Variants in THRB observed in about 807,000 individuals in gnomAD.
THRB encodes nuclear receptor subfamily 1 group A member 2.
In THRB, 12 loss-of-function variants were observed where a neutral mutation model predicts 47.8. The ratio of observed to expected loss-of-function variants is 0.25; its 90% CI spans 0.16 to 0.41. THRB has a LOEUF of 0.41. Among genes scored for constraint, THRB ranks in the 10% least tolerant of loss-of-function variants. The pLI is 1.00. For synonymous variants in THRB, 218 were observed against 212.2 expected (o/e 1.03, Z -0.24); for missense variants, 348 against 589.2 (o/e 0.59, Z 4.24).
chr3:24,390,795 A>AT (rs60435781), intron 1 of THRB, among the ~76,000 whole-genome samples: 1,879 of 59,084 alleles, frequency 0.032, 16 homozygotes, highest in South Asian at 0.047. Context: ...AAAAAAAAAA[A>AT]AAATATATAT....
At position 24,451,514 on chromosome 3, in the gene THRB, C is replaced by A. The variant is rs530164208; in HGVS notation, c.-261+43138G>T. 3.0e-4 allele frequency among the ~76,000 whole-genome samples: 45 copies of A among 152,262 alleles called. 1 individual carries two copies. The highest frequency in any genetic ancestry group is 1.2e-3 in the Admixed American group (18 of 15,302). On this transcript the variant is annotated intron_variant, in intron 1 of 10. Transcript: ENST00000646209. ...CCTCCCAAAGTTCTGGGATTACAGG[C>A]GTGAGCCACCACGCCCGGCCTACAT...
intron 1 of THRB, among the ~76,000 whole-genome samples, chr3:24,431,266 A>T (rs1389801950): frequency 6.9e-3 from 174 of 25,320 alleles, no homozygotes; most frequent in Non-Finnish European, 0.023. Flanking sequence ...CTCTCTACAC[A>T]CACACACACA....
At chr3:24,349,047 A>G (rs1402412135) in intron 1 of THRB, 1 of 152,176 alleles carries the variant, frequency 6.6e-6, no homozygotes, top group African/African-American at 2.4e-5. Context: ...TATAAAAGTC[A>G]ATTGGAATTC....
chr3:24,261,522 A>AAAAAAAAC (rs2052025733), intron 3 of THRB, among the ~76,000 whole-genome samples: 1 of 149,526 alleles, frequency 6.7e-6, no homozygotes, highest in African/African-American at 2.5e-5. Context: ...AAAAAAACCA[A>AAAAAAAAC]AAAAAACTCT....
intron 4 of THRB, among the ~76,000 whole-genome samples, chr3:24,194,904 G>T (rs2043785170): frequency 6.6e-6 from 1 of 152,140 alleles, no homozygotes; most frequent in African/African-American, 2.4e-5. Flanking sequence ...GCGTAGGCTG[G>T]GATTTCATGG....
chr3:24,343,578 T>C (rs1421728304), intron 1 of THRB, among the ~76,000 whole-genome samples: 1 of 152,148 alleles, frequency 6.6e-6, no homozygotes, highest in African/African-American at 2.4e-5. Context: ...CATAACAATT[T>C]ACTAAACTAG....
chr3:24,438,506 GGTGTGT>G (rs145050133), intron 1 of THRB, among the ~76,000 whole-genome samples: 218 of 145,966 alleles, frequency 1.5e-3, no homozygotes, highest in African/African-American at 4.4e-3. Flanking sequence ...AGAACAAAAA[GGTGTGT>G]GTGTGTGTGT....
intron 4 of THRB, among the ~76,000 whole-genome samples, chr3:24,225,951 A>C (rs2047612159): frequency 6.6e-6 from 1 of 152,222 alleles, no homozygotes; most frequent in South Asian, 2.1e-4. Context: ...AATTTTGGCA[A>C]GACCTGACTC....
chr3:24,426,608 G>A lies in THRB; in HGVS notation c.-261+68044C>T, dbSNP rs151131001. ...AGATGCTCTAAGACAGGTTTATGTC[G>A]TTTCCTCTCACAAAGCAGAACACTG... On this transcript the variant is annotated intron_variant, in intron 1 of 10. Coordinates refer to ENST00000646209, the MANE Select transcript of THRB (RefSeq NM_001354712.2). Among the ~76,000 whole-genome samples the A allele has an allele frequency of 6.6e-3, 999 of 151,970 alleles. 9 individuals are homozygous for A. Among genetic ancestry groups the A allele is most frequent in the African/African-American group, 0.022 (932 of 41,490 alleles).
At chr3:24,490,853 T>A (rs1698039397) in intron 1 of THRB, among the ~76,000 whole-genome samples, 1 of 152,182 alleles carries the variant, frequency 6.6e-6, no homozygotes, top group East Asian at 1.9e-4. Flanking sequence ...TAGGCCATAG[T>A]AGCTCAGGCC....
intron 5 of THRB, among the ~76,000 whole-genome samples, chr3:24,172,021 C>T (rs994371307): frequency 2.0e-5 from 3 of 152,168 alleles, no homozygotes; most frequent in Admixed American, 6.5e-5. Flanking sequence ...GGAAATGACA[C>T]ATTAATGCTC....
At chr3:24,373,952 CT>C (rs34750462) in intron 1 of THRB, among the ~76,000 whole-genome samples, 5 of 150,882 alleles carry the variant, frequency 3.3e-5, no homozygotes, top group South Asian at 2.1e-4. Context: ...CATCATTTCC[CT>C]TTTTTTTTGG....
chr3:24,426,841 T>C (rs2069817879), intron 1 of THRB, among the ~76,000 whole-genome samples: 1 of 152,042 alleles, frequency 6.6e-6, no homozygotes, highest in African/African-American at 2.4e-5. Context: ...ATTTACACTG[T>C]ATAAAAGAAA....
chr3:24,185,003 C>T (rs1298006570), intron 5 of THRB, among the ~76,000 whole-genome samples: 1 of 152,156 alleles, frequency 6.6e-6, no homozygotes, highest in African/African-American at 2.4e-5. Flanking sequence ...TTTTAAGACA[C>T]TTTGTTATTT....
At chr3:24,264,069 C>T (rs1245190208) in intron 3 of THRB, among the ~76,000 whole-genome samples, 2 of 152,134 alleles carry the variant, frequency 1.3e-5, no homozygotes, top group East Asian at 1.9e-4. Context: ...GGCACCAAAC[C>T]CTGCAATGCT....
At chr3:24,447,692 T>C (rs886981901) in intron 1 of THRB, among the ~76,000 whole-genome samples, 9 of 151,646 alleles carry the variant, frequency 5.9e-5, no homozygotes, top group African/African-American at 2.2e-4. Context: ...GGGGAAGGGG[T>C]GAGTAGACAT....
At chr3:24,441,942 G>A (rs1450981493) in intron 1 of THRB, among the ~76,000 whole-genome samples, 1 of 152,080 alleles carries the variant, frequency 6.6e-6, no homozygotes, top group East Asian at 1.9e-4. Context: ...CTGCAGATAC[G>A]TGAGGATCCA....
At chr3:24,388,873 T>C (rs113792602) in intron 1 of THRB, among the ~76,000 whole-genome samples, 15 of 152,276 alleles carry the variant, frequency 9.9e-5, no homozygotes, top group Admixed American at 7.2e-4. Flanking sequence ...GTACTCTCTG[T>C]GGGCTGGTTC....
Position 24,254,465 on chromosome 3 carries a change from G to A in THRB, c.-42-25464C>T, listed in dbSNP as rs79437843. ...TGTGTTTAATAATACATATACTATT[G>A]GCCTTAAAGGTAGTCCCAAAAGAGT... is the stretch of plus-strand genomic sequence containing the variant. On this transcript the variant is annotated intron_variant, in intron 3 of 10. Coordinates refer to ENST00000646209, the MANE Select transcript of THRB (RefSeq NM_001354712.2). Among the ~76,000 whole-genome samples the A allele has an allele frequency of 6.1e-3, 930 of 151,852 alleles. 12 individuals are homozygous for A. Among genetic ancestry groups the A allele is most frequent in the African/African-American group, 0.021 (888 of 41,456 alleles).
Sources: gnomAD v4.1 joint callset for allele counts (sites outside exome capture counted in the v4.1 genomes callset) on GRCh38, gnomAD v4.1.1 for gene constraint, MANE v1.5 for transcripts, NCBI Gene and HGNC (gene_info 2026-07-23, HGNC 2026-07-21) for gene names.